The following ZBBX variants were observed in gnomAD, a reference collection of about 807,000 sequenced individuals.
ZBBX encodes the protein zinc finger B-box domain-containing protein 1.
A neutral mutation model predicts 108.5 loss-of-function variants in ZBBX; 101 were observed. The observed-to-expected ratio is 0.93, with a 90% CI of 0.79 to 1.10. The LOEUF (loss-of-function observed/expected upper bound fraction) is 1.10. ZBBX is among the 50% of genes least tolerant of loss of function. ZBBX has a pLI of 0.00. For missense variants in ZBBX, 1,009 were observed against 941.4 expected, an observed-to-expected ratio of 1.07 and a Z score of -0.94; for synonymous variants, 356 against 323.4, an observed-to-expected ratio of 1.10 and a Z score of -1.08.
At chr3:167,261,195 C>T (rs1014264043) in intron 20 of ZBBX, among the ~76,000 whole-genome samples, 2 of 152,142 alleles carry the variant, frequency 1.3e-5, no homozygotes, top group South Asian at 4.1e-4. Flanking sequence ...CTATGGGTCT[C>T]TCAGCCATGG....
At chr3:167,362,445 T>C (rs910344519) in intron 6 of ZBBX, among the ~76,000 whole-genome samples, 2 of 152,048 alleles carry the variant, frequency 1.3e-5, no homozygotes, top group African/African-American at 4.8e-5. Flanking sequence ...ACCAATGCCT[T>C]CATCTGCCAC....
the ZBBX span, among the ~76,000 whole-genome samples, chr3:167,228,702 A>G: frequency 6.6e-6 from 1 of 151,828 alleles, no homozygotes; most frequent in Non-Finnish European, 1.5e-5. Context: ...ATTTGACAAT[A>G]CAGTAGTTAA....
At chr3:167,400,488 G>A (rs925841404) in intron 1 of ZBBX, among the ~76,000 whole-genome samples, 1 of 151,984 alleles carries the variant, frequency 6.6e-6, no homozygotes, top group African/African-American at 2.4e-5. Context: ...ATGCTGGTTG[G>A]CCACTTGTAT....
the ZBBX span, among the ~76,000 whole-genome samples, chr3:167,224,547 A>G: frequency 6.6e-6 from 1 of 151,926 alleles, no homozygotes; most frequent in African/African-American, 2.4e-5. Flanking sequence ...GGTATATTCA[A>G]TACATTTTAT....
At chr3:167,210,476 T>C in the ZBBX span, among the ~76,000 whole-genome samples, 1 of 152,296 alleles carries the variant, frequency 6.6e-6, no homozygotes, top group Admixed American at 6.5e-5. Context: ...GAGAAAGGAA[T>C]AGGGGTAGAA....
chr3:167,195,055 C>T, the ZBBX span, among the ~76,000 whole-genome samples: 12 of 152,162 alleles, frequency 7.9e-5, no homozygotes, highest in East Asian at 1.9e-4. Flanking sequence ...CAGAAACAAC[C>T]GGTGCCATCA....
intron 1 of ZBBX, among the ~76,000 whole-genome samples, chr3:167,398,397 T>C (rs1043413878): frequency 6.6e-6 from 1 of 152,058 alleles, no homozygotes; most frequent in African/African-American, 2.4e-5. Flanking sequence ...AATAACATTG[T>C]CAATAATATG....
intron 9 of ZBBX, among the ~76,000 whole-genome samples, chr3:167,336,221 C>T (rs1739527343): frequency 6.6e-6 from 1 of 151,964 alleles, no homozygotes; most frequent in African/African-American, 2.4e-5. Flanking sequence ...ATTGTTATAA[C>T]ATTTTTAGGT....
At chr3:167,330,843 AGAG>A (rs367685431) in intron 10 of ZBBX, among the ~76,000 whole-genome samples, 1,328 of 81,426 alleles carry the variant, frequency 0.016, 261 homozygotes, top group East Asian at 0.027. Context: ...TAGAAGAGGA[AGAG>A]GAGGAGGAGG....
intron 9 of ZBBX, among the ~76,000 whole-genome samples, chr3:167,348,352 G>GAAAGAA (rs1560163320): frequency 1.9e-5 from 2 of 103,784 alleles, no homozygotes; most frequent in African/African-American, 3.9e-5. Flanking sequence ...AAGAAAGAAA[G>GAAAGAA]AAAGAAAGAA....
chr3:167,302,196 G>A, intron 17 of ZBBX, among the ~76,000 whole-genome samples: 1 of 152,042 alleles, frequency 6.6e-6, no homozygotes, highest in Admixed American at 6.5e-5. Context: ...TATTGAGTAT[G>A]TGGTTCAAAA....
the ZBBX span, among the ~76,000 whole-genome samples, chr3:167,222,112 A>G: frequency 6.6e-6 from 1 of 151,998 alleles, no homozygotes; most frequent in African/African-American, 2.4e-5. Context: ...TTCTATGTTA[A>G]TTGAAGCACT....
chr3:167,329,417 T>C lies in ZBBX; in HGVS notation c.688-1301A>G, dbSNP rs186507038. ...TTCAGGGTATATTGTTAAAGACGTA[T>C]ATAAGAAATTTTAAATACGAGCAAA... is the stretch of plus-strand genomic sequence containing the variant. On this transcript the variant is annotated intron_variant, in intron 10 of 21. Transcript: ENST00000675490. 4.6e-5 allele frequency among the ~76,000 whole-genome samples: 7 copies of C among 152,258 alleles called. No homozygotes were observed. In the East Asian group the frequency reaches 1.4e-3, roughly 29 times the overall value.
Position 167,322,202 on chromosome 3 carries a change from T to G in ZBBX, c.898A>C (p.Lys300Gln), listed in dbSNP as rs555118135. 6.7e-6 allele frequency: 10 copies of G among 1,482,556 alleles called. No homozygotes were observed. The East Asian group carries it at 2.3e-4, about 34-fold the overall frequency. 91.8% of individuals were successfully genotyped at this position (1,482,556 alleles called of 1,614,324 possible). ...ATATTAAGTGGTTCTCTCCAAATTT[T>G]CAGATTAGTCTGTACTTCGCATTCT... is the stretch of plus-strand genomic sequence containing the variant. ...LEECEVQTNL[K>Q]IWREPLNIEL... The change falls in exon 12 of 22, where the codon AAA becomes CAA. Residue 300 changes from lysine (K) to glutamine (Q), a missense_variant. Physicochemically the swap from Lys to Gln is moderately conservative, Grantham distance 53. Transcript: ENST00000675490.
At chr3:167,392,206 T>G (rs912834389) in intron 1 of ZBBX, among the ~76,000 whole-genome samples, 2 of 152,010 alleles carry the variant, frequency 1.3e-5, no homozygotes, top group African/African-American at 4.8e-5. Flanking sequence ...TTTTGTGATT[T>G]ACCCATGTTA....
chr3:167,392,140 T>C (rs1367137135), intron 1 of ZBBX, among the ~76,000 whole-genome samples: 1 of 151,846 alleles, frequency 6.6e-6, no homozygotes, highest in South Asian at 2.1e-4. Flanking sequence ...TCATTATAAA[T>C]GGAATCACAC....
chr3:167,349,712 G>A (rs1344315606), intron 9 of ZBBX, among the ~76,000 whole-genome samples: 1 of 151,802 alleles, frequency 6.6e-6, no homozygotes, highest in African/African-American at 2.4e-5. Flanking sequence ...TCTCTATAAG[G>A]TCACAGCCTA....
At chr3:167,194,705 T>C in the ZBBX span, among the ~76,000 whole-genome samples, 1 of 152,198 alleles carries the variant, frequency 6.6e-6, no homozygotes, top group Non-Finnish European at 1.5e-5. Context: ...TTTCCTCAAA[T>C]GGACATTTTT....
the ZBBX span, among the ~76,000 whole-genome samples, chr3:167,231,577 C>T: frequency 6.6e-6 from 1 of 151,674 alleles, no homozygotes; most frequent in African/African-American, 2.4e-5. Flanking sequence ...TGTGTATAGA[C>T]TTTCTTTTGA....
Sources: gnomAD v4.1 joint callset for allele counts (sites outside exome capture counted in the v4.1 genomes callset) on GRCh38, gnomAD v4.1.1 for gene constraint, MANE v1.5 for transcripts, NCBI Gene and HGNC (gene_info 2026-07-23, HGNC 2026-07-21) for gene names.